Variants in LRRC69 observed in about 807,000 individuals in gnomAD.
LRRC69 encodes the protein leucine-rich repeat-containing protein 69.
A neutral mutation model predicts 37.8 loss-of-function variants in LRRC69; 42 were observed. The observed-to-expected ratio is 1.11, with a 90% CI of 0.87 to 1.44. The LOEUF is 1.44. LRRC69 is among the 40% of genes most tolerant of loss of function. The pLI is 0.00. For missense variants in LRRC69, 357 were observed against 401.9 expected, an observed-to-expected ratio of 0.89 and a Z score of 0.96; for synonymous variants, 141 against 143.1, an observed-to-expected ratio of 0.99 and a Z score of 0.11.
intron 5 of LRRC69, among the ~76,000 whole-genome samples, chr8:91,153,254 A>T (rs993224186): frequency 6.6e-6 from 1 of 151,374 alleles, no homozygotes; most frequent in East Asian, 1.9e-4. Context: ...TTAGACTCCC[A>T]CACAATAATA....
intron 5 of LRRC69, among the ~76,000 whole-genome samples, chr8:91,163,688 C>A (rs975233635): frequency 8.6e-5 from 13 of 151,420 alleles, no homozygotes; most frequent in Admixed American, 3.3e-4. Context: ...AGCTGCATTA[C>A]ATTTCTATTA....
intron 1 of LRRC69, among the ~76,000 whole-genome samples, chr8:91,103,375 T>C (rs1262976318): frequency 6.6e-6 from 1 of 151,254 alleles, no homozygotes; most frequent in Admixed American, 6.6e-5. Flanking sequence ...TGAAATAGTC[T>C]TTAAAGGAAG....
Position 91,207,682 on chromosome 8 carries a change from G to A in LRRC69, c.933+6890G>A, listed in dbSNP as rs529129068. On this transcript the variant is annotated intron_variant, in intron 7 of 7. Coordinates refer to ENST00000448384, the Ensembl canonical transcript of LRRC69. ...AGCATTTCAGGCTAGGCAGTTGCCTGTGCAGAGTTAATATTGTGCAAATAT... is the reference window on the plus strand; with the variant it reads ...AGCATTTCAGGCTAGGCAGTTGCCTATGCAGAGTTAATATTGTGCAAATAT... 3.9e-5 allele frequency among the ~76,000 whole-genome samples: 6 copies of A among 152,390 alleles called. No homozygotes were observed. In the South Asian group the frequency reaches 1.0e-3, roughly 26 times the overall value.
At chr8:91,185,194 A>T (rs1013241397) in intron 5 of LRRC69, among the ~76,000 whole-genome samples, 3 of 152,108 alleles carry the variant, frequency 2.0e-5, no homozygotes, top group Admixed American at 1.3e-4. Flanking sequence ...TTCTATGCTG[A>T]TGTCTAAATG....
In LRRC69 at chr8:91,158,419, T is replaced by C. The variant is rs1808875913; in HGVS notation, c.651+22680T>C. 4 of 1,386,984 alleles carry C rather than the reference T, an allele frequency of 2.9e-6. No homozygotes were observed. In the South Asian group the frequency reaches 3.5e-5, roughly 12 times the overall value. 85.9% of individuals were successfully genotyped at this position (1,386,984 alleles called of 1,614,324 possible). A position where few individuals can be genotyped will look rare whatever the true frequency, so the allele number is the denominator to read the frequency against. ...ACCCCAAGAAAGTAAACAAAGATGA[T>C]GAGGAATTCATAGAAAGCAATAAAA... On this transcript the variant is annotated intron_variant, in intron 5 of 7. Transcript: ENST00000448384.
At chr8:91,153,916 T>C (rs1308720997) in intron 5 of LRRC69, among the ~76,000 whole-genome samples, 2 of 151,734 alleles carry the variant, frequency 1.3e-5, no homozygotes, top group Non-Finnish European at 2.9e-5. Flanking sequence ...AAAAAATCAA[T>C]GAATCCAGGA....
chr8:91,145,071 A>G (rs2130535229), intron 5 of LRRC69, among the ~76,000 whole-genome samples: 1 of 152,056 alleles, frequency 6.6e-6, no homozygotes, highest in East Asian at 1.9e-4. Flanking sequence ...TCTATTTCAA[A>G]TTTAAACATG....
chr8:91,181,590 C>T lies in LRRC69; in HGVS notation c.652-7932C>T, dbSNP rs1478979494. On this transcript the variant is annotated intron_variant, in intron 5 of 7. Transcript: ENST00000448384. ...GTTGTGTAGGTCAATTACACAAAGA[C>T]AATTTATATGACCAGGATATTATTT... 5.3e-5 allele frequency among the ~76,000 whole-genome samples: 8 copies of T among 152,138 alleles called. No individual in the cohort carries two copies. In the East Asian group the frequency reaches 1.5e-3, roughly 29 times the overall value.
intron 5 of LRRC69, among the ~76,000 whole-genome samples, chr8:91,141,990 A>G (rs984683480): frequency 4.0e-5 from 6 of 149,632 alleles, no homozygotes; most frequent in Non-Finnish European, 8.8e-5. Flanking sequence ...AACTCAGTCT[A>G]TGAAGTAGTT....
chr8:91,161,331 T>C (rs1258328357), intron 5 of LRRC69, among the ~76,000 whole-genome samples: 1 of 151,408 alleles, frequency 6.6e-6, no homozygotes, highest in Non-Finnish European at 1.5e-5. Context: ...AGGAAGAATT[T>C]CCTTCTTTCT....
intron 1 of LRRC69, among the ~76,000 whole-genome samples, chr8:91,119,761 A>G (rs1813583982): frequency 6.6e-6 from 1 of 151,970 alleles, no homozygotes; most frequent in Non-Finnish European, 1.5e-5. Flanking sequence ...GAGAAAACAG[A>G]CATCATCCTT....
At chr8:91,159,344 A>G (rs1314689450) in intron 5 of LRRC69, among the ~76,000 whole-genome samples, 2 of 151,338 alleles carry the variant, frequency 1.3e-5, no homozygotes, top group Non-Finnish European at 3.0e-5. Context: ...CCTGGTAAGG[A>G]TAAACATTGC....
rs544885461 is a variant in LRRC69, at chr8:91,218,920, G to A, written c.964G>A (p.Val322Met). Residue 322 changes from valine (V) to methionine (M), a missense_variant, in exon 8 of 8, where the codon GTG becomes ATG. Coordinates refer to ENST00000448384, the Ensembl canonical transcript of LRRC69. Reference sequence around the variant, plus strand: ...GAAGATAAGCAAGAATCTGAAGCTGGTGCCTCTCCAAGTATTAATTTGTTC... The same window carrying A: ...GAAGATAAGCAAGAATCTGAAGCTGATGCCTCTCCAAGTATTAATTTGTTC... 2 of 1,550,166 alleles carry A rather than the reference G, an allele frequency of 1.3e-6. No homozygotes were observed. Among genetic ancestry groups the A allele is most frequent in the East Asian group, 4.9e-5 (2 of 40,886 alleles).
rs1554595702 is a variant in LRRC69, at chr8:91,191,051, C to CCCCCA, written c.753+1431_753+1432insCACCC. ...AGGATCCTGTCTCAAACCCCCCCCC[C>CCCCCA]CCCAAGTCAAAAAGCAACAACAACA... On this transcript the variant is annotated intron_variant, in intron 6 of 7. Transcript: ENST00000448384. Among the ~76,000 whole-genome samples, 2 of 143,024 alleles carry CCCCCA rather than the reference C, an allele frequency of 1.4e-5. 1 individual carries two copies. The highest frequency in any genetic ancestry group is 5.2e-5 in the African/African-American group (2 of 38,544). The allele number at this position is 143,024 out of a possible 152,430, so 93.8% of individuals were successfully genotyped here.
intron 6 of LRRC69, among the ~76,000 whole-genome samples, chr8:91,199,306 C>A (rs1049182381): frequency 1.3e-5 from 2 of 152,190 alleles, no homozygotes; most frequent in Middle Eastern, 3.2e-3. Context: ...TGACCTCAGT[C>A]ATGCAACCAC....
At chr8:91,186,229 G>A (rs531483633) in intron 5 of LRRC69, among the ~76,000 whole-genome samples, 8 of 152,292 alleles carry the variant, frequency 5.3e-5, no homozygotes, top group Non-Finnish European at 7.4e-5. Flanking sequence ...CATTAGTCAC[G>A]TAAGTCATAG....
intron 5 of LRRC69, among the ~76,000 whole-genome samples, chr8:91,155,379 G>A (rs1586252180): frequency 6.6e-6 from 1 of 150,964 alleles, no homozygotes; most frequent in African/African-American, 2.4e-5. Flanking sequence ...TTGTGGGGGT[G>A]CAGAGTGAGA....
At chr8:91,218,321 T>C (rs1383031467) in intron 7 of LRRC69, among the ~76,000 whole-genome samples, 2 of 127,472 alleles carry the variant, frequency 1.6e-5, no homozygotes, top group Non-Finnish European at 3.4e-5. Flanking sequence ...TGCACTAAAT[T>C]GGCTAACAGG....
chr8:91,144,861 A>G (rs7812861), intron 5 of LRRC69, among the ~76,000 whole-genome samples: 3,642 of 152,074 alleles, frequency 0.024, 134 homozygotes, highest in African/African-American at 0.083. Context: ...TGTGCTTAAT[A>G]CAAAATCAAG....
Sources: allele counts gnomAD v4.1 joint callset (sites outside exome capture counted in the v4.1 genomes callset), GRCh38; gene constraint gnomAD v4.1.1; transcripts MANE v1.5; gene names NCBI Gene and HGNC (gene_info 2026-07-23, HGNC 2026-07-21).